SLC39A8: variants seen among roughly 807,000 people sequenced by gnomAD.
The protein encoded by SLC39A8 is solute carrier family 39 member 8, also known as metal cation symporter ZIP8.
Under a neutral mutation model 40.4 loss-of-function variants are expected in SLC39A8, and 15 were observed. The observed-to-expected ratio is 0.37, with a 90% CI of 0.25 to 0.57. The LOEUF (loss-of-function observed/expected upper bound fraction) is 0.57, where lower values mean the gene tolerates loss of function less well. Among genes scored for constraint, SLC39A8 ranks in the 20% least tolerant of loss-of-function variants. The pLI is 0.75. For synonymous variants in SLC39A8, 223 were observed against 221.6 expected (o/e 1.01, Z -0.06); for missense variants, 472 against 558.8 (o/e 0.84, Z 1.57).
At chr4:102,324,915 A>G (rs1219552379) in intron 2 of SLC39A8, among the ~76,000 whole-genome samples, 2 of 152,270 alleles carry the variant, frequency 1.3e-5, no homozygotes, top group East Asian at 3.9e-4. Context: ...GAACAATGGA[A>G]TTGGTGACTT....
chr4:102,325,766 G>A (rs183359243), intron 2 of SLC39A8, among the ~76,000 whole-genome samples: 75 of 152,200 alleles, frequency 4.9e-4, no homozygotes, highest in East Asian at 3.9e-3. Context: ...ATTAAGTCAT[G>A]TTTTGTTTGT....
intron 6 of SLC39A8, among the ~76,000 whole-genome samples, chr4:102,299,122 T>G (rs1733799744): frequency 6.6e-6 from 1 of 151,892 alleles, no homozygotes; most frequent in Admixed American, 6.6e-5. Context: ...ATATTCTTAG[T>G]GCCCCAGTCC....
chr4:102,319,857 A>C (rs1734828893), intron 2 of SLC39A8, among the ~76,000 whole-genome samples: 1 of 151,782 alleles, frequency 6.6e-6, no homozygotes. Flanking sequence ...GAATCGGTGG[A>C]CTCCGTTAAG....
intron 11 of SLC39A8, among the ~76,000 whole-genome samples, chr4:102,255,192 A>G (rs1467259365): frequency 6.6e-6 from 1 of 152,218 alleles, no homozygotes; most frequent in African/African-American, 2.4e-5. Context: ...AGAGCTGGGA[A>G]TTTTGTTTGA....
chr4:102,256,294 G>A (rs1478776256), intron 11 of SLC39A8, among the ~76,000 whole-genome samples: 1 of 151,834 alleles, frequency 6.6e-6, no homozygotes, highest in Non-Finnish European at 1.5e-5. Context: ...TTAAGTGAGG[G>A]AATGTGACCT....
In SLC39A8 at chr4:102,311,283, T is replaced by C. The variant is rs530650134; in HGVS notation, c.383-3678A>G. On this transcript the variant is annotated intron_variant, in intron 3 of 8. Coordinates refer to ENST00000356736, the MANE Select transcript of SLC39A8 (RefSeq NM_001135146.2). ...ACAAGAATAAAATAAAACCAGTTAA[T>C]GCTGTCCCTGGAATATAGCAAGCCT... Among the ~76,000 whole-genome samples, 11 of 152,288 alleles carry C rather than the reference T, an allele frequency of 7.2e-5. No individual in the cohort carries two copies. The East Asian group carries it at 2.1e-3, about 29-fold the overall frequency.
At chr4:102,261,469 TA>T (rs1731853705), downstream of SLC39A8, among the ~76,000 whole-genome samples, 1 of 152,238 alleles carries the variant, frequency 6.6e-6, no homozygotes, top group Non-Finnish European at 1.5e-5. Context: ...ATCATCATAA[TA>T]CTATTCAGAG....
intron 6 of SLC39A8, among the ~76,000 whole-genome samples, chr4:102,279,917 G>A (rs745753591): frequency 5.9e-5 from 9 of 152,222 alleles, no homozygotes; most frequent in East Asian, 1.9e-4. Context: ...AGTATTCAAG[G>A]TATCTTTCAT....
At chr4:102,281,694 A>G (rs1459603444) in intron 6 of SLC39A8, among the ~76,000 whole-genome samples, 1 of 152,152 alleles carries the variant, frequency 6.6e-6, no homozygotes, top group East Asian at 1.9e-4. Context: ...TATTCTCTGC[A>G]AGGGGCAACT....
chr4:102,300,366 TA>T (rs1249515113), intron 6 of SLC39A8, among the ~76,000 whole-genome samples: 1 of 152,054 alleles, frequency 6.6e-6, no homozygotes, highest in African/African-American at 2.4e-5. Context: ...TAAACACAGA[TA>T]AAACACCAGA....
intron 6 of SLC39A8, among the ~76,000 whole-genome samples, chr4:102,287,786 G>T (rs186215398): frequency 2.0e-5 from 3 of 152,238 alleles, no homozygotes; most frequent in African/African-American, 7.2e-5. Flanking sequence ...AAATCAGGAA[G>T]TAATTTTGCT....
At chr4:102,341,378 A>C (rs1446692014) in intron 2 of SLC39A8, among the ~76,000 whole-genome samples, 2 of 152,224 alleles carry the variant, frequency 1.3e-5, no homozygotes, top group African/African-American at 4.8e-5. Flanking sequence ...AGAGGAAATG[A>C]GGAAAAGGAA....
At chr4:102,314,855 C>T (rs1734589455) in intron 3 of SLC39A8, among the ~76,000 whole-genome samples, 1 of 152,124 alleles carries the variant, frequency 6.6e-6, no homozygotes, top group Non-Finnish European at 1.5e-5. Flanking sequence ...AAATCTTCTC[C>T]ACTACACTGT....
intron 6 of SLC39A8, among the ~76,000 whole-genome samples, chr4:102,280,606 G>T (rs968369979): frequency 1.5e-4 from 23 of 152,170 alleles, no homozygotes; most frequent in African/African-American, 5.3e-4. Flanking sequence ...CTCCTTACCT[G>T]AAAAGTCAGC....
intron 6 of SLC39A8, chr4:102,269,832 T>C (rs1329797239): frequency 6.6e-6 from 1 of 152,238 alleles, no homozygotes; most frequent in East Asian, 1.9e-4. Context: ...ATCTTTTTTA[T>C]TTTAAGAAAC....
At chr4:102,285,554 G>T (rs79969194) in intron 6 of SLC39A8, among the ~76,000 whole-genome samples, 11,821 of 151,818 alleles carry the variant, frequency 0.078, 634 homozygotes, top group South Asian at 0.14. Context: ...AGTGAAATTT[G>T]TTATCTGGAA....
chr4:102,283,527 G>A (rs1733001066), intron 6 of SLC39A8, among the ~76,000 whole-genome samples: 1 of 150,518 alleles, frequency 6.6e-6, no homozygotes, highest in Non-Finnish European at 1.5e-5. Flanking sequence ...GTGCTGAGGT[G>A]TTCTGAGGAT....
At chr4:102,254,586 G>T (rs182865) in intron 11 of SLC39A8, among the ~76,000 whole-genome samples, 83,346 of 152,046 alleles carry the variant, frequency 0.55, 23,104 homozygotes, top group Middle Eastern at 0.63. Flanking sequence ...AAAGCCAGAT[G>T]TCTGTAAAAA....
At chr4:102,259,574 G>T, downstream of SLC39A8, 1 of 1,295,302 alleles carries the variant, frequency 7.7e-7, no homozygotes, top group Non-Finnish European at 1.1e-6. Flanking sequence ...GGAAATCAGT[G>T]ATGTGCTCAA....
Sources: gnomAD v4.1 joint callset for allele counts (sites outside exome capture counted in the v4.1 genomes callset) on GRCh38, gnomAD v4.1.1 for gene constraint, MANE v1.5 for transcripts, NCBI Gene and HGNC (gene_info 2026-07-23, HGNC 2026-07-21) for gene names.